TERT: variants seen among roughly 807,000 people sequenced by gnomAD.
TERT encodes telomerase reverse transcriptase.
A neutral mutation model predicts 104.0 loss-of-function variants in TERT; 42 were observed. That is an observed-to-expected ratio of 0.40 (90% CI 0.32 to 0.52). The LOEUF (loss-of-function observed/expected upper bound fraction) is 0.52, where lower values mean the gene tolerates loss of function less well. TERT is among the 20% of genes least tolerant of loss of function. The pLI is 0.43. For synonymous variants in TERT, 781 were observed against 725.6 expected (o/e 1.08, Z -1.23); for missense variants, 1,101 against 1,610.3 (o/e 0.68, Z 5.41).
At position 1,261,173 on chromosome 5, in the gene TERT, T is replaced by G. The variant is rs1408703411; in HGVS notation, c.2844-573A>C. 1.3e-5 allele frequency among the ~76,000 whole-genome samples: 2 copies of G among 152,250 alleles called. No homozygotes were observed. Among genetic ancestry groups the G allele is most frequent in the African/African-American group, 2.4e-5 (1 of 41,470 alleles). ...ACCACTCACTGCCCATGTATGTCCA[T>G]GTCCAAAGATGAACACACATGACAT... On this transcript the variant is annotated intron_variant, in intron 11 of 15. Coordinates refer to ENST00000310581, the MANE Select transcript of TERT (RefSeq NM_198253.3). The surrounding 1 kb of genome is among the most constrained non-coding windows in gnomAD (Gnocchi z 7.4).
rs1264543242 is a variant in TERT, at chr5:1,286,775, G to C, written c.1574-4151C>G. Among the ~76,000 whole-genome samples the C allele has an allele frequency of 1.3e-5, 2 of 152,280 alleles. No homozygotes were observed. The highest frequency in any genetic ancestry group is 3.9e-4 in the East Asian group (2 of 5,186). On this transcript the variant is annotated intron_variant, in intron 2 of 15. Transcript: ENST00000310581. The surrounding 1 kb of genome is among the most constrained non-coding windows in gnomAD (Gnocchi z 5.3). The stretch of plus-strand genomic sequence containing the variant: ...CGCCTGTAATCCCAGCTACTCATGA[G>C]GTTGAGGAATGAGAACTGCTTGAAC...
chr5:1,291,772 A>T (rs1431977092), intron 2 of TERT, among the ~76,000 whole-genome samples: 1 of 151,346 alleles, frequency 6.6e-6, no homozygotes. Flanking sequence ...CCCGGGGACC[A>T]CGCCTCACTC....
At chr5:1,289,188 C>T (rs1218506355) in intron 2 of TERT, among the ~76,000 whole-genome samples, 2 of 149,942 alleles carry the variant, frequency 1.3e-5, no homozygotes, top group South Asian at 2.1e-4. Context: ...TCACCCTACA[C>T]GTGACAGGGA....
At chr5:1,266,343 C>T (rs552773166) in intron 10 of TERT, 121 bp downstream of exon 10, 3 of 967,684 alleles carry the variant, frequency 3.1e-6, no homozygotes, top group African/African-American at 1.6e-5. Flanking sequence ...GGATCCAGCA[C>T]CGGCAGAGAG....
intron 1 of TERT, 34 bp from the exon 2 acceptor site, chr5:1,294,700 C>T: frequency 6.3e-7 from 1 of 1,583,432 alleles, no homozygotes; most frequent in African/African-American, 1.3e-5. Context: ...GCCTGCGCTG[C>T]TCTCCGCATG....
intron 5 of TERT, 71 bp downstream of exon 5, chr5:1,279,220 A>G: frequency 6.6e-7 from 1 of 1,509,440 alleles, no homozygotes; most frequent in Non-Finnish European, 9.0e-7. Context: ...CCTCCACCCA[A>G]CATGAGGTGC....
intron 13 of TERT, 97 bp downstream of exon 13, chr5:1,258,500 TA>T: frequency 5.2e-6 from 6 of 1,146,848 alleles, no homozygotes; most frequent in South Asian, 1.3e-5. Flanking sequence ...TCCTTGCCCC[TA>T]AAACCCAGGA....
chr5:1,281,440 G>A (rs900820034), intron 3 of TERT, among the ~76,000 whole-genome samples: 2 of 152,210 alleles, frequency 1.3e-5, no homozygotes, highest in East Asian at 3.8e-4. Flanking sequence ...GGGAAGCCCT[G>A]ATCTTCTGAC....
chr5:1,268,060 G>T lies in TERT; in HGVS notation c.2582+460C>A, dbSNP rs1346319160. Among the ~76,000 whole-genome samples the T allele has an allele frequency of 6.6e-6, 1 of 152,200 alleles. No individual in the cohort carries two copies. The stretch of plus-strand genomic sequence containing the variant: ...AGGTTGGCACGATATTTAGGTGTGT[G>T]CGTCCTTGGGTGTAGACCCCATGCA... On this transcript the variant is annotated intron_variant, in intron 9 of 15. Transcript: ENST00000310581. This position sits in a 1 kb window ranked among gnomAD's most constrained non-coding sequence, Gnocchi z 5.5.
chr5:1,289,677 GTCAA>G (rs1750745132), intron 2 of TERT, among the ~76,000 whole-genome samples: 1 of 31,908 alleles, frequency 3.1e-5, no homozygotes, highest in East Asian at 8.3e-4. Context: ...GGGGCCTCGC[GTCAA>G]TCACCCTGCA....
At chr5:1,253,913 G>A (rs1207338755) in intron 15 of TERT, 82 bp from the exon 16 acceptor site, 7 of 1,440,834 alleles carry the variant, frequency 4.9e-6, no homozygotes, top group Non-Finnish European at 5.7e-6. Flanking sequence ...TGGGTGGCCG[G>A]GCAGGCAGGG....
rs754529579 is a variant in TERT, at chr5:1,263,026, G to A, written c.2843+1378C>T. On this transcript the variant is annotated intron_variant, in intron 11 of 15. Coordinates refer to ENST00000310581, the MANE Select transcript of TERT (RefSeq NM_198253.3). This position sits in a 1 kb window ranked among gnomAD's most constrained non-coding sequence, Gnocchi z 5.3. Reference sequence around the variant, plus strand: ...GAGCACAGGAGACCGGCATCCTTGTGGGGAGGGAGCTGCAACAGGGACATG... The same window carrying A: ...GAGCACAGGAGACCGGCATCCTTGTAGGGAGGGAGCTGCAACAGGGACATG... Among the ~76,000 whole-genome samples, 4 of 152,204 alleles carry A rather than the reference G, an allele frequency of 2.6e-5. No individual in the cohort carries two copies. Among genetic ancestry groups the A allele is most frequent in the Admixed American group, 6.5e-5 (1 of 15,278 alleles).
intron 2 of TERT, among the ~76,000 whole-genome samples, chr5:1,285,980 C>A (rs1561207925): frequency 1.3e-5 from 2 of 152,048 alleles, no homozygotes; most frequent in Admixed American, 1.3e-4. Context: ...AGCAGACACT[C>A]CCCCGCCAGG....
At chr5:1,275,330 C>T (rs1210214875) in intron 6 of TERT, among the ~76,000 whole-genome samples, 3 of 150,118 alleles carry the variant, frequency 2.0e-5, no homozygotes, top group Non-Finnish European at 4.4e-5. Flanking sequence ...GCCAAGATCA[C>T]GCCAAACCAC....
chr5:1,271,706 C>G (rs539433166), intron 7 of TERT, among the ~76,000 whole-genome samples: 1 of 152,210 alleles, frequency 6.6e-6, no homozygotes, highest in East Asian at 1.9e-4. Flanking sequence ...CACAGGGCCA[C>G]GTGGACAGAC....
intron 6 of TERT, among the ~76,000 whole-genome samples, chr5:1,277,011 C>T (rs1407608733): frequency 6.6e-6 from 1 of 152,204 alleles, no homozygotes; most frequent in Non-Finnish European, 1.5e-5. Flanking sequence ...TCCTGCAAGC[C>T]GATGATGGCA....
In TERT at chr5:1,263,244, C is replaced by A. The variant is rs965770368; in HGVS notation, c.2843+1160G>T. Among the ~76,000 whole-genome samples the A allele has an allele frequency of 1.3e-5, 2 of 152,182 alleles. No individual in the cohort carries two copies. The highest frequency in any genetic ancestry group is 4.8e-5 in the African/African-American group (2 of 41,454). On this transcript the variant is annotated intron_variant, in intron 11 of 15. Transcript: ENST00000310581. This position sits in a 1 kb window ranked among gnomAD's most constrained non-coding sequence, Gnocchi z 5.3. ...CAGAACGACAGGACCCCAGTTTAAA[C>A]CTCTGGTTTAACAACCATCCACCAC...
intron 2 of TERT, among the ~76,000 whole-genome samples, chr5:1,291,018 C>T (rs1353486822): frequency 5.3e-5 from 6 of 113,950 alleles, no homozygotes; most frequent in Non-Finnish European, 1.1e-4. Flanking sequence ...CTGGGGACCG[C>T]GCCTCACTCA....
At chr5:1,290,155 G>C (rs1750790190) in intron 2 of TERT, among the ~76,000 whole-genome samples, 1 of 82,606 alleles carries the variant, frequency 1.2e-5, no homozygotes, top group Admixed American at 1.1e-4. Context: ...CACCCTACAC[G>C]TGACAGGGAC....
Sources: gnomAD v4.1 joint callset for allele counts (sites outside exome capture counted in the v4.1 genomes callset) on GRCh38, gnomAD v4.1.1 for gene constraint, Gnocchi (gnomAD v3.1) non-coding constraint, MANE v1.5 for transcripts, NCBI Gene and HGNC (gene_info 2026-07-23, HGNC 2026-07-21) for gene names.